Variants in MAGI1 observed in about 807,000 individuals in gnomAD.
The protein encoded by MAGI1 is membrane associated guanylate kinase, WW and PDZ domain containing 1.
A neutral mutation model predicts 139.9 loss-of-function variants in MAGI1; 58 were observed. That is an observed-to-expected ratio of 0.41 (90% CI 0.34 to 0.52). The LOEUF (loss-of-function observed/expected upper bound fraction) is 0.52, where lower values mean the gene tolerates loss of function less well. Among genes scored for constraint, MAGI1 ranks in the 20% least tolerant of loss-of-function variants. MAGI1 has a pLI of 0.12. For missense variants in MAGI1, 1,874 were observed against 1,901.6 expected, an observed-to-expected ratio of 0.99 and a Z score of 0.27; for synonymous variants, 812 against 737.9, an observed-to-expected ratio of 1.10 and a Z score of -1.63.
intron 2 of MAGI1, among the ~76,000 whole-genome samples, chr3:65,530,216 C>T (rs183862124): frequency 6.6e-6 from 1 of 152,198 alleles, no homozygotes; most frequent in African/African-American, 2.4e-5. Context: ...CTTTGAATGT[C>T]ACTTTCTGGA....
At chr3:65,935,171 G>GA (rs556411733) in intron 1 of MAGI1, among the ~76,000 whole-genome samples, 42 of 152,244 alleles carry the variant, frequency 2.8e-4, no homozygotes, top group African/African-American at 9.6e-4. Context: ...CAGTCAGCTA[G>GA]AAAAAACAGG....
chr3:65,476,178 T>C (rs565016287), intron 4 of MAGI1, among the ~76,000 whole-genome samples: 2 of 152,266 alleles, frequency 1.3e-5, no homozygotes, highest in Admixed American at 1.3e-4. Flanking sequence ...AGATTTAGCA[T>C]GAGTTAGTGT....
chr3:65,610,807 A>ATATATAG (rs1056945361), intron 2 of MAGI1, among the ~76,000 whole-genome samples: 1 of 110,104 alleles, frequency 9.1e-6, no homozygotes, highest in Non-Finnish European at 2.0e-5. Context: ...ATATATAGGT[A>ATATATAG]TATATAGTAT....
At chr3:65,574,268 A>T (rs2081084952) in intron 2 of MAGI1, among the ~76,000 whole-genome samples, 1 of 150,694 alleles carries the variant, frequency 6.6e-6, no homozygotes, top group Non-Finnish European at 1.5e-5. Flanking sequence ...CATATATGTA[A>T]ACTGCTTGCC....
At chr3:65,807,298 T>A (rs1030683865) in intron 1 of MAGI1, among the ~76,000 whole-genome samples, 2 of 152,184 alleles carry the variant, frequency 1.3e-5, no homozygotes, top group Non-Finnish European at 2.9e-5. Flanking sequence ...AAGGACTTCA[T>A]CTCTGCTTTC....
chr3:65,512,594 A>G (rs2077655363), intron 2 of MAGI1, among the ~76,000 whole-genome samples: 1 of 152,204 alleles, frequency 6.6e-6, no homozygotes, highest in South Asian at 2.1e-4. Flanking sequence ...CACTCTCCCA[A>G]GACTAAGCCA....
intron 1 of MAGI1, among the ~76,000 whole-genome samples, chr3:65,997,822 G>A (rs2066532441): frequency 6.6e-6 from 1 of 152,060 alleles, no homozygotes; most frequent in African/African-American, 2.4e-5. Context: ...ACCCATGAGA[G>A]CAAGGACTGT....
intron 1 of MAGI1, among the ~76,000 whole-genome samples, chr3:65,691,670 C>T (rs1209788679): frequency 6.6e-6 from 1 of 152,094 alleles, no homozygotes; most frequent in Non-Finnish European, 1.5e-5. Context: ...AATGAAAAAA[C>T]CTTGAATTTC....
intron 1 of MAGI1, among the ~76,000 whole-genome samples, chr3:65,855,632 G>C (rs1192904927): frequency 8.7e-6 from 1 of 115,532 alleles, no homozygotes. Context: ...AGAGGGGAGG[G>C]GAAGGGAGAA....
chr3:65,937,706 C>T (rs1273019528), intron 1 of MAGI1, among the ~76,000 whole-genome samples: 1 of 151,484 alleles, frequency 6.6e-6, no homozygotes, highest in African/African-American at 2.4e-5. Flanking sequence ...TTTTTAGTTA[C>T]AACTTAATTA....
At chr3:65,871,876 T>C (rs1461284057) in intron 1 of MAGI1, among the ~76,000 whole-genome samples, 1 of 152,214 alleles carries the variant, frequency 6.6e-6, no homozygotes. Context: ...CAGAAAGCCC[T>C]GGATGAATCA....
rs11369893 is a variant in MAGI1 at position 65,661,745 on chromosome 3, G to GTTTTTTTTTTTTTT, written c.314-39671_314-39658dup. ...TTTTTTTGTTGTTTTGTTTTTTTCT[G>GTTTTTTTTTTTTTT]TTTTTTTTTTTTTTTTTTTTGAGAT... On this transcript the variant is annotated intron_variant, in intron 1 of 22. Coordinates refer to ENST00000402939, the MANE Select transcript of MAGI1 (RefSeq NM_001033057.2). Among the ~76,000 whole-genome samples the GTTTTTTTTTTTTTT allele has an allele frequency of 2.8e-4, 26 of 93,916 alleles. 1 individual carries two copies. The highest frequency in any genetic ancestry group is 8.5e-4 in the African/African-American group (20 of 23,646). 61.6% of individuals were successfully genotyped at this position (93,916 alleles called of 152,430 possible). A position where few individuals can be genotyped will look rare whatever the true frequency, so the allele number is the denominator to read the frequency against.
At chr3:65,722,695 C>G (rs1193491949) in intron 1 of MAGI1, among the ~76,000 whole-genome samples, 1 of 150,070 alleles carries the variant, frequency 6.7e-6, no homozygotes, top group Non-Finnish European at 1.5e-5. Flanking sequence ...TCTGTGATAA[C>G]AAAGACTAAA....
intron 1 of MAGI1, among the ~76,000 whole-genome samples, chr3:65,838,001 A>G (rs941388173): frequency 1.3e-5 from 2 of 152,220 alleles, no homozygotes; most frequent in Admixed American, 1.3e-4. Context: ...CATAGGTTCC[A>G]TCTTACATAA....
chr3:65,996,157 T>A (rs2066438067), intron 1 of MAGI1, among the ~76,000 whole-genome samples: 1 of 152,146 alleles, frequency 6.6e-6, no homozygotes, highest in South Asian at 2.1e-4. Flanking sequence ...TGGGCAACTA[T>A]TGAACTTCTC....
At chr3:65,611,612 A>G (rs529381868) in intron 2 of MAGI1, among the ~76,000 whole-genome samples, 1 of 126,412 alleles carries the variant, frequency 7.9e-6, no homozygotes, top group African/African-American at 2.8e-5. Flanking sequence ...TATATATACT[A>G]TACTAGTATA....
chr3:65,878,541 G>T (rs1394328977), intron 1 of MAGI1, among the ~76,000 whole-genome samples: 3 of 148,380 alleles, frequency 2.0e-5, no homozygotes, highest in African/African-American at 7.4e-5. Context: ...AAAGAACGCA[G>T]ACTTATTTTT....
At chr3:65,423,974 T>A (rs1464224220) in intron 12 of MAGI1, among the ~76,000 whole-genome samples, 1 of 152,228 alleles carries the variant, frequency 6.6e-6, no homozygotes, top group Non-Finnish European at 1.5e-5. Context: ...TTGTATTTTG[T>A]CCTAGCATAG....
At position 65,427,080 on chromosome 3, in the gene MAGI1, G is replaced by A. The variant is rs565207799; in HGVS notation, c.2167+2440C>T. Among the ~76,000 whole-genome samples, 11 of 152,284 alleles carry A rather than the reference G, an allele frequency of 7.2e-5. No homozygotes were observed. In the South Asian group the frequency reaches 1.9e-3, roughly 26 times the overall value. On this transcript the variant is annotated intron_variant, in intron 12 of 22. Coordinates refer to ENST00000402939, the MANE Select transcript of MAGI1 (RefSeq NM_001033057.2). ...TGTAATCCTAGCACTTCGGGAGGCCGAGGCAGGTGGATCCCTTGAGCGCGG... is the reference window on the plus strand; with the variant it reads ...TGTAATCCTAGCACTTCGGGAGGCCAAGGCAGGTGGATCCCTTGAGCGCGG...
Sources: gnomAD v4.1 joint callset for allele counts (sites outside exome capture counted in the v4.1 genomes callset) on GRCh38, gnomAD v4.1.1 for gene constraint, MANE v1.5 for transcripts, NCBI Gene and HGNC (gene_info 2026-07-23, HGNC 2026-07-21) for gene names.